NTNG1: variants seen among roughly 807,000 people sequenced by gnomAD.
The protein encoded by NTNG1 is netrin-G1.
Under a neutral mutation model 54.0 loss-of-function variants are expected in NTNG1, and 16 were observed. The observed-to-expected ratio is 0.30, with a 90% CI of 0.20 to 0.45. The LOEUF (loss-of-function observed/expected upper bound fraction) is 0.45, where lower values mean the gene tolerates loss of function less well. Ranked by LOEUF, NTNG1 falls within the 20% of genes least tolerant of loss-of-function variation. The probability of loss-of-function intolerance (pLI) is 1.00; values close to 1 mark genes in which losing one functional copy is unlikely to be tolerated. For missense variants in NTNG1, 530 were observed against 678.7 expected (o/e 0.78, Z 2.43); for synonymous variants, 255 against 263.1 (o/e 0.97, Z 0.30).
chr1:107,228,089 G>C (rs1447560442), intron 2 of NTNG1, among the ~76,000 whole-genome samples: 1 of 152,040 alleles, frequency 6.6e-6, no homozygotes, highest in Non-Finnish European at 1.5e-5. Context: ...ATCCACATCT[G>C]CTATTCTTGC....
chr1:107,430,695 G>T, intron 5 of NTNG1, 55 bp from the exon 6 acceptor site: 1 of 1,559,264 alleles, frequency 6.4e-7, no homozygotes. Context: ...CATGTAGTAT[G>T]CTATTACTCT....
intron 2 of NTNG1, among the ~76,000 whole-genome samples, chr1:107,195,075 T>C (rs1658221471): frequency 6.6e-6 from 1 of 151,996 alleles, no homozygotes; most frequent in Non-Finnish European, 1.5e-5. Context: ...CCTGCATGCT[T>C]AGGGAACAAT....
intron 2 of NTNG1, among the ~76,000 whole-genome samples, chr1:107,260,179 G>A (rs2101647751): frequency 6.6e-6 from 1 of 152,314 alleles, no homozygotes; most frequent in East Asian, 1.9e-4. Context: ...AGTGTTCTGT[G>A]ATAACATCAT....
At chr1:107,297,433 CACTATATGATTCT>C (rs760945148) in intron 2 of NTNG1, among the ~76,000 whole-genome samples, 3 of 151,576 alleles carry the variant, frequency 2.0e-5, no homozygotes, top group Admixed American at 1.3e-4. Context: ...CATAGTAATT[CACTATATGATTCT>C]ACTTTTAGGT....
intron 2 of NTNG1, among the ~76,000 whole-genome samples, chr1:107,229,086 G>A (rs754336145): frequency 4.6e-5 from 7 of 152,008 alleles, no homozygotes; most frequent in Admixed American, 6.6e-5. Context: ...AGCTGCATGC[G>A]TAACCTAGCA....
At chr1:107,287,276 G>A (rs541868123) in intron 2 of NTNG1, among the ~76,000 whole-genome samples, 1 of 152,140 alleles carries the variant, frequency 6.6e-6, no homozygotes, top group South Asian at 2.1e-4. Flanking sequence ...AAAAAAAGGC[G>A]ATGATAAAAC....
intron 2 of NTNG1, among the ~76,000 whole-genome samples, chr1:107,172,045 C>T (rs1327822261): frequency 2.0e-5 from 3 of 152,118 alleles, no homozygotes; most frequent in Non-Finnish European, 4.4e-5. Context: ...GACAATCTAG[C>T]ATATATGCTA....
intron 1 of NTNG1, among the ~76,000 whole-genome samples, chr1:107,142,336 T>A (rs901100615): frequency 4.0e-5 from 6 of 151,204 alleles, no homozygotes; most frequent in African/African-American, 1.5e-4. Flanking sequence ...AGAAATCCAC[T>A]TAAGAGTAGG....
chr1:107,314,916 G>A lies in NTNG1; in HGVS notation c.247-9366G>A, dbSNP rs187768677. Among the ~76,000 whole-genome samples the A allele has an allele frequency of 3.3e-5, 5 of 152,288 alleles. No individual in the cohort carries two copies. The East Asian group carries it at 9.6e-4, about 29-fold the overall frequency. On this transcript the variant is annotated intron_variant, in intron 2 of 7. Transcript: ENST00000370068. ...AGTGAATAACAATATCTCCCTCACG[G>A]TGTTGTTATGAAGAAATGAGCAAAA...
At chr1:107,424,287 T>G (rs1039406024) in intron 5 of NTNG1, among the ~76,000 whole-genome samples, 2 of 151,978 alleles carry the variant, frequency 1.3e-5, no homozygotes, top group African/African-American at 2.4e-5. Flanking sequence ...CCCTGGGAAG[T>G]GCTTGGTGTG....
intron 5 of NTNG1, 80 bp from the exon 6 acceptor site, chr1:107,430,670 C>T (rs1463525729): frequency 7.0e-7 from 1 of 1,430,506 alleles, no homozygotes; most frequent in East Asian, 2.3e-5. Flanking sequence ...TTCTCCATCC[C>T]TCATTTTACC....
chr1:107,324,684 A>G lies in NTNG1; in HGVS notation c.649A>G (p.Asn217Asp). Residue 217 changes from asparagine to aspartate, a missense_variant, in exon 3 of 8, where the codon AAT becomes GAT. By Grantham distance (23) the Asn-to-Asp change is conservative. Around this residue, in one of 2 missense-constraint regions of NTNG1, gnomAD observed 318 missense variants for 465.1 expected, o/e 0.68. Transcript: ENST00000370068. The stretch of plus-strand genomic sequence containing the variant: ...AGAGTACTCAACAGGGTATACAACA[A>G]ATAGCAAAATAATCCACTTTGAAAT... ...TEEYSTGYTT[N>D]SKIIHFEIKD... 1 of 1,613,622 alleles carries G rather than the reference A, an allele frequency of 6.2e-7. No homozygotes were observed. Among genetic ancestry groups the G allele is most frequent in the Non-Finnish European group, 8.5e-7 (1 of 1,179,786 alleles).
intron 2 of NTNG1, among the ~76,000 whole-genome samples, chr1:107,216,106 A>G (rs2101423816): frequency 6.6e-6 from 1 of 152,184 alleles, no homozygotes; most frequent in South Asian, 2.1e-4. Context: ...AGACAGTTTG[A>G]CTTCCTCTTT....
intron 7 of NTNG1, among the ~76,000 whole-genome samples, chr1:107,467,962 T>TG (rs1677713469): frequency 6.6e-6 from 1 of 152,216 alleles, no homozygotes; most frequent in Admixed American, 6.5e-5. Context: ...CACCAATTCA[T>TG]TTTGCCTTGA....
At chr1:107,387,775 T>A (rs1463614556) in intron 3 of NTNG1, among the ~76,000 whole-genome samples, 1 of 152,200 alleles carries the variant, frequency 6.6e-6, no homozygotes, top group South Asian at 2.1e-4. Context: ...TAATTATACC[T>A]CCTTCTCAGA....
chr1:107,284,348 A>T (rs1665058952), intron 2 of NTNG1, among the ~76,000 whole-genome samples: 1 of 152,180 alleles, frequency 6.6e-6, no homozygotes, highest in South Asian at 2.1e-4. Context: ...TTGTGATGAT[A>T]CTTGAATATC....
At chr1:107,370,417 C>T (rs1431933537) in intron 3 of NTNG1, among the ~76,000 whole-genome samples, 3 of 151,482 alleles carry the variant, frequency 2.0e-5, no homozygotes, top group Non-Finnish European at 4.4e-5. Flanking sequence ...TGAGTAAGTT[C>T]TTTAGTGGTG....
chr1:107,337,167 C>T (rs1668631130), intron 3 of NTNG1, among the ~76,000 whole-genome samples: 1 of 151,960 alleles, frequency 6.6e-6, no homozygotes, highest in African/African-American at 2.4e-5. Flanking sequence ...ACATCCTGTT[C>T]ATAGCAGCAT....
intron 5 of NTNG1, among the ~76,000 whole-genome samples, chr1:107,422,166 C>A (rs544382718): frequency 2.0e-5 from 3 of 152,052 alleles, no homozygotes; most frequent in African/African-American, 7.2e-5. Flanking sequence ...TAGAAGATGC[C>A]AATTTGGGTT....
Sources: allele counts gnomAD v4.1 joint callset (sites outside exome capture counted in the v4.1 genomes callset), GRCh38; gene constraint gnomAD v4.1.1; regional missense constraint gnomAD v4.1.1; transcripts MANE v1.5; gene names NCBI Gene and HGNC (gene_info 2026-07-23, HGNC 2026-07-21).